HMCN2: variants seen among roughly 807,000 people sequenced by gnomAD.
HMCN2 encodes hemicentin-2.
HMCN2 carries 325 observed loss-of-function variants against 377.5 expected under a neutral mutation model. The observed-to-expected ratio is 0.86, with a 90% CI of 0.79 to 0.94. HMCN2 has a LOEUF of 0.94. Among genes scored for constraint, HMCN2 ranks in the 40% least tolerant of loss-of-function variants. The pLI is 0.00. For missense variants in HMCN2, 4,543 were observed against 4,725.3 expected (o/e 0.96, Z 1.13); for synonymous variants, 2,007 against 2,046.8 (o/e 0.98, Z 0.53).
At chr9:130,296,641 C>T (rs889557519) in intron 6 of HMCN2, 33 bp from the exon 7 acceptor site, 4 of 469,340 alleles carry the variant, frequency 8.5e-6, no homozygotes, top group African/African-American at 8.0e-5. Context: ...GGGGTCCCAT[C>T]CTCTGGTGAT....
chr9:130,320,314 G>A (rs1319540333), intron 16 of HMCN2, 42 bp from the exon 17 acceptor site: 1 of 152,300 alleles, frequency 6.6e-6, no homozygotes, highest in Non-Finnish European at 1.5e-5. Flanking sequence ...TGCAGCTGTG[G>A]TGTGCCTTGG....
In HMCN2 at chr9:130,306,864, A is replaced by C. The variant is rs535712106; in HGVS notation, c.2012A>C (p.Asp671Ala). The stretch of plus-strand genomic sequence containing the variant: ...ATTATTCAGGGGGTAGCCCCAGAGG[A>C]TGCTGGGAATTACAGCTGCCAGGCG... ...TLIIQGVAPE[D>A]AGNYSCQATN... The change falls in exon 13 of 98, where the codon GAT becomes GCT. Residue 671 changes from aspartate to alanine, a missense_variant. By Grantham distance (126) the Asp-to-Ala change is moderately radical. Around this residue, in one of 5 missense-constraint regions of HMCN2, gnomAD observed 547 missense variants for 189.9 expected, o/e 2.88. Coordinates refer to ENST00000683500, the MANE Select transcript of HMCN2 (RefSeq NM_001291815.2). 5 of 471,050 alleles carry C rather than the reference A, an allele frequency of 1.1e-5. No homozygotes were observed. The highest frequency in any genetic ancestry group is 1.0e-4 in the African/African-American group (5 of 50,188). The allele number at this position is 471,050 out of a possible 1,614,324, so 29.2% of individuals were successfully genotyped here.
At chr9:130,387,712 C>T (rs1333090504) in intron 61 of HMCN2, among the ~76,000 whole-genome samples, 2 of 152,158 alleles carry the variant, frequency 1.3e-5, no homozygotes, top group African/African-American at 2.4e-5. Flanking sequence ...GATGCCAAAG[C>T]CAGTAGCCTC....
At position 130,303,432 on chromosome 9, in the gene HMCN2, G is replaced by C. The variant is rs782199832; in HGVS notation, c.1422-55G>C. 30 of 381,214 alleles carry C rather than the reference G, an allele frequency of 7.9e-5. No individual in the cohort carries two copies. Among genetic ancestry groups the C allele is most frequent in the Non-Finnish European group, 1.5e-4 (26 of 178,292 alleles). 23.6% of individuals were successfully genotyped at this position (381,214 alleles called of 1,614,324 possible). On this transcript the variant is annotated intron_variant, in intron 9 of 97. Coordinates refer to ENST00000683500, the MANE Select transcript of HMCN2 (RefSeq NM_001291815.2). The surrounding 1 kb of genome is among the most constrained non-coding windows in gnomAD (Gnocchi z 5.2). ...GATTCAGGGGACTGAAGTCGGGGGG[G>C]ACCCTGAGTGGGGGTCAGTGTGATT...
At chr9:130,282,571 C>T (rs982292113) in intron 1 of HMCN2, among the ~76,000 whole-genome samples, 7 of 152,056 alleles carry the variant, frequency 4.6e-5, no homozygotes, top group African/African-American at 9.7e-5. Context: ...CAGGGTGGGA[C>T]GAGACGGATA....
intron 25 of HMCN2, among the ~76,000 whole-genome samples, chr9:130,346,961 A>T (rs1466631869): frequency 1.3e-5 from 2 of 151,912 alleles, no homozygotes; most frequent in Non-Finnish European, 1.5e-5. Context: ...GGCTGTATGG[A>T]TGGGCAGTGT....
rs761562960 is a variant in HMCN2 at position 130,396,164 on chromosome 9, C to T, written c.11054-5C>T. ...CAGCACCACTCCCTCTGTGCCCCTC[C>T]CCAGCGGTGCCCACCATCCGGTCAG... On this transcript the variant is annotated splice_region_variant and splice_polypyrimidine_tract_variant and intron_variant, in intron 72 of 97. Transcript: ENST00000683500. 3 of 1,270,018 alleles carry T rather than the reference C, an allele frequency of 2.4e-6. No homozygotes were observed. The highest frequency in any genetic ancestry group is 2.5e-5 in the South Asian group (2 of 80,250). The allele number at this position is 1,270,018 out of a possible 1,614,324, so 78.7% of individuals were successfully genotyped here.
chr9:130,363,841 AAG>A (rs1193397716), intron 40 of HMCN2, among the ~76,000 whole-genome samples: 3 of 150,094 alleles, frequency 2.0e-5, no homozygotes, highest in Non-Finnish European at 3.0e-5. Flanking sequence ...AAAAGAAAGA[AAG>A]AGAGAAAAAG....
At chr9:130,402,277 C>G (rs889739563) in intron 77 of HMCN2, among the ~76,000 whole-genome samples, 2 of 152,230 alleles carry the variant, frequency 1.3e-5, no homozygotes, top group African/African-American at 4.8e-5. Context: ...ATTTAGAACC[C>G]TCGTCACTTG....
At chr9:130,281,250 C>T (rs1835103545) in intron 1 of HMCN2, among the ~76,000 whole-genome samples, 1 of 152,118 alleles carries the variant, frequency 6.6e-6, no homozygotes, top group Admixed American at 6.5e-5. Flanking sequence ...GCTCATATCC[C>T]AGCACTGCCA....
intron 80 of HMCN2, among the ~76,000 whole-genome samples, chr9:130,404,442 C>G (rs866860069): frequency 6.6e-6 from 1 of 152,170 alleles, no homozygotes; most frequent in African/African-American, 2.4e-5. Flanking sequence ...CGCTGGTCAC[C>G]AGACCAGCCA....
At position 130,391,946 on chromosome 9, in the gene HMCN2, A is replaced by G. The variant is rs549183734; in HGVS notation, c.9964A>G (p.Ile3322Val). The G allele has an allele frequency of 2.1e-5, 21 of 988,012 alleles. No homozygotes were observed. In the South Asian group the frequency reaches 5.6e-4, roughly 26 times the overall value. 61.2% of individuals were successfully genotyped at this position (988,012 alleles called of 1,614,324 possible). A position where few individuals can be genotyped will look rare whatever the true frequency, so the allele number is the denominator to read the frequency against. ...HTVNVLVPPT[I>V]KQGADGSGTL... ...CTACCCACCCTCAGTTCCTCCCACC[A>G]TCAAGCAGGGAGCAGACGGCTCGGG... is the stretch of plus-strand genomic sequence containing the variant. Residue 3322 changes from isoleucine (I) to valine (V), a missense_variant, in exon 66 of 98, where the codon ATC (isoleucine) becomes GTC (valine). This residue lies in a region of HMCN2 where 1,073 missense variants were observed against 1,319.5 expected (regional missense o/e 0.81). Transcript: ENST00000683500.
chr9:130,300,320 A>G (rs550699439), intron 8 of HMCN2, among the ~76,000 whole-genome samples: 1 of 152,336 alleles, frequency 6.6e-6, no homozygotes, highest in South Asian at 2.1e-4. Context: ...TTGAGTATCT[A>G]CTATGTACCA....
In HMCN2 at chr9:130,304,447, C is replaced by T. The variant is rs1554935794; in HGVS notation, c.1544-283C>T. Among the ~76,000 whole-genome samples, 1 of 152,160 alleles carries T rather than the reference C, an allele frequency of 6.6e-6. No homozygotes were observed. Among genetic ancestry groups the T allele is most frequent in the African/African-American group, 2.4e-5 (1 of 41,424 alleles). On this transcript the variant is annotated intron_variant, in intron 10 of 97. Transcript: ENST00000683500. The surrounding 1 kb of genome is among the most constrained non-coding windows in gnomAD (Gnocchi z 4.3). ...GCTCGGAGGCATGAAGATGGGTGTCCGGCTTGTTGCACATTGCACTGGCTG... is the reference window on the plus strand; with the variant it reads ...GCTCGGAGGCATGAAGATGGGTGTCTGGCTTGTTGCACATTGCACTGGCTG...
chr9:130,333,595 T>C (rs1263186045), intron 22 of HMCN2, among the ~76,000 whole-genome samples: 34 of 152,314 alleles, frequency 2.2e-4, no homozygotes. Context: ...CGATGAAGTC[T>C]GCCCCGCTCA....
Position 130,418,795 on chromosome 9 carries a change from C to A in HMCN2, c.12985C>A (p.Pro4329Thr), listed in dbSNP as rs770447309. ...LQSAPVFQVE[P>T]QDMTVRSGDD... ...AGGTGCTCCGGTGTTCCAGGTGGAG[C>A]CCCAGGACATGACAGTGAGATCTGG... Residue 4329 changes from proline to threonine, a missense_variant, in exon 86 of 98, where the codon CCC becomes ACC. By Grantham distance (38) the Pro-to-Thr change is conservative. Around this residue, in one of 5 missense-constraint regions of HMCN2, gnomAD observed 1,155 missense variants for 1,157.7 expected, o/e 1.00. Coordinates refer to ENST00000683500, the MANE Select transcript of HMCN2 (RefSeq NM_001291815.2). The A allele has an allele frequency of 5.5e-6, 8 of 1,465,682 alleles. No homozygotes were observed. The South Asian group carries it at 9.8e-5, about 18-fold the overall frequency. The allele number at this position is 1,465,682 out of a possible 1,614,324, so 90.8% of individuals were successfully genotyped here.
chr9:130,353,401 T>C (rs895076489), intron 31 of HMCN2, among the ~76,000 whole-genome samples, 196 bp downstream of exon 31: 4 of 152,300 alleles, frequency 2.6e-5, no homozygotes, highest in Non-Finnish European at 4.4e-5. Flanking sequence ...GTAAGGAAAC[T>C]GAGGCCAGGA....
rs747012953 is a variant in HMCN2, at chr9:130,428,482, C to T, written c.14190C>T (p.Gly4730=). 3.1e-5 allele frequency: 47 copies of T among 1,540,574 alleles called. No individual in the cohort carries two copies. Among genetic ancestry groups the T allele is most frequent in the Non-Finnish European group, 2.6e-5 (30 of 1,146,894 alleles). Reference sequence around the variant, plus strand: ...GCTTCCGGGTGGCTGATGGGGCCGGCTGTGAAGGTGATGGGGGCACAGCAT... The same window carrying T: ...GCTTCCGGGTGGCTGATGGGGCCGGTTGTGAAGGTGATGGGGGCACAGCAT... ...GPGFRVADGA[G]CEDVDECLEG... The change falls in exon 93 of 98, where the codon GGC becomes GGT. Residue 4730 remains glycine, a synonymous_variant. Transcript: ENST00000683500. The surrounding 1 kb of genome is among the most constrained non-coding windows in gnomAD (Gnocchi z 5.0).
At chr9:130,310,151 C>T in intron 15 of HMCN2, 90 bp downstream of exon 15, 1 of 403,028 alleles carries the variant, frequency 2.5e-6, no homozygotes, top group Non-Finnish European at 5.1e-6. Flanking sequence ...AGCTCTCTCA[C>T]ACAAGTGGCC....
Sources: allele counts gnomAD v4.1 joint callset (sites outside exome capture counted in the v4.1 genomes callset), GRCh38; gene constraint gnomAD v4.1.1; regional missense constraint gnomAD v4.1.1; non-coding constraint Gnocchi (gnomAD v3.1); transcripts MANE v1.5; gene names NCBI Gene and HGNC (gene_info 2026-07-23, HGNC 2026-07-21).